SNX8: variants seen among roughly 807,000 people sequenced by gnomAD.
SNX8 encodes the protein sorting nexin 8, also known as sorting nexin-8.
Under a neutral mutation model 51.6 loss-of-function variants are expected in SNX8, and 25 were observed. The observed-to-expected ratio is 0.48, with a 90% confidence interval of 0.35 to 0.68. The LOEUF is 0.68. Among genes scored for constraint, SNX8 ranks in the 30% least tolerant of loss-of-function variants. The probability of loss-of-function intolerance (pLI) is 0.00; values close to 1 mark genes in which losing one functional copy is unlikely to be tolerated. For missense variants in SNX8, 695 were observed against 624.0 expected (o/e 1.11, Z -1.21); for synonymous variants, 324 against 277.0 (o/e 1.17, Z -1.68).
intron 1 of SNX8, among the ~76,000 whole-genome samples, chr7:2,326,255 C>T (rs1320322380): frequency 6.6e-6 from 1 of 152,066 alleles, no homozygotes; most frequent in African/African-American, 2.4e-5. Context: ...ATCCTAGTTA[C>T]TTGGGAGGCT....
At chr7:2,323,719 G>A (rs747082547) in intron 1 of SNX8, among the ~76,000 whole-genome samples, 29 of 152,208 alleles carry the variant, frequency 1.9e-4, no homozygotes, top group Admixed American at 6.5e-4. Context: ...GTACTACCAC[G>A]TGCCTGGCAC....
At chr7:2,309,052 G>A (rs143078074) in intron 1 of SNX8, among the ~76,000 whole-genome samples, 1,593 of 151,930 alleles carry the variant, frequency 0.01, 20 homozygotes, top group African/African-American at 0.037. Flanking sequence ...GCCTCCCAAA[G>A]TGCTGGGATT....
intron 1 of SNX8, among the ~76,000 whole-genome samples, chr7:2,312,034 T>A (rs776169136): frequency 4.6e-5 from 7 of 152,086 alleles, no homozygotes; most frequent in African/African-American, 7.2e-5. Context: ...CAAGAGTCTG[T>A]GAGCCCCACT....
At chr7:2,342,165 G>A (rs893255488) in intron 1 of SNX8, among the ~76,000 whole-genome samples, 1 of 150,862 alleles carries the variant, frequency 6.6e-6, no homozygotes, top group African/African-American at 2.4e-5. Flanking sequence ...GGCAATAAGA[G>A]GGAAACGCTG....
chr7:2,341,065 G>A (rs1402904809), intron 1 of SNX8, among the ~76,000 whole-genome samples: 2 of 150,202 alleles, frequency 1.3e-5, no homozygotes, highest in Admixed American at 1.3e-4. Context: ...AGCTACTCAA[G>A]AAACTGAGGT....
intron 1 of SNX8, among the ~76,000 whole-genome samples, chr7:2,302,448 G>A (rs1166806693): frequency 6.6e-6 from 1 of 152,198 alleles, no homozygotes. Context: ...ATCTCGGCTG[G>A]CTACAACCTC....
At chr7:2,292,284 C>G (rs1014590253) in intron 1 of SNX8, among the ~76,000 whole-genome samples, 5 of 151,980 alleles carry the variant, frequency 3.3e-5, no homozygotes, top group African/African-American at 1.2e-4. Flanking sequence ...AAGCCGGACC[C>G]CTCCCTCACA....
intron 1 of SNX8, among the ~76,000 whole-genome samples, chr7:2,309,510 T>A (rs10479969): frequency 6.6e-6 from 1 of 151,698 alleles, no homozygotes; most frequent in Non-Finnish European, 1.5e-5. Flanking sequence ...GGTGGGCAGA[T>A]CACCTGAGGT....
intron 9 of SNX8, 22 bp downstream of exon 9, chr7:2,257,343 G>T (rs375852912): frequency 1.9e-6 from 3 of 1,597,012 alleles, no homozygotes; most frequent in Non-Finnish European, 2.5e-6. Flanking sequence ...CCACGGGCCT[G>T]CTCGGCCGCC....
chr7:2,274,436 T>C (rs1478907647), intron 3 of SNX8, among the ~76,000 whole-genome samples: 1 of 152,168 alleles, frequency 6.6e-6, no homozygotes, highest in Non-Finnish European at 1.5e-5. Flanking sequence ...TATTCAGAAT[T>C]TGAGGAACGG....
chr7:2,254,776 C>T lies in SNX8; in HGVS notation c.*280G>A. On this transcript the variant is annotated 3_prime_UTR_variant, in exon 11 of 11. Transcript: ENST00000222990. ...TCTGTGAGATGAGAGATCCCTGCCT[C>T]CCCGCACAGCTCTGGGTGTCAGGAG... is the stretch of plus-strand genomic sequence containing the variant. The T allele has an allele frequency of 2.0e-6, 1 of 508,416 alleles. No individual in the cohort carries two copies. The highest frequency in any genetic ancestry group is 2.2e-5 in the South Asian group (1 of 45,940). 31.5% of individuals were successfully genotyped at this position (508,416 alleles called of 1,614,324 possible).
intron 1 of SNX8, among the ~76,000 whole-genome samples, chr7:2,302,351 G>C (rs1263988679): frequency 2.0e-5 from 3 of 152,262 alleles, no homozygotes; most frequent in African/African-American, 4.8e-5. Flanking sequence ...TGATCCACCA[G>C]CCTCGGCCTC....
At chr7:2,292,934 A>G (rs966864851) in intron 1 of SNX8, among the ~76,000 whole-genome samples, 2 of 151,948 alleles carry the variant, frequency 1.3e-5, no homozygotes, top group Admixed American at 1.3e-4. Flanking sequence ...AAGGTGGCAG[A>G]ATGACTTGAG....
chr7:2,292,724 C>A (rs1256122938), intron 1 of SNX8, among the ~76,000 whole-genome samples: 1 of 152,034 alleles, frequency 6.6e-6, no homozygotes, highest in East Asian at 1.9e-4. Context: ...GCAAAGACTT[C>A]TTAGATATGA....
chr7:2,284,504 C>T (rs538179748), intron 1 of SNX8, among the ~76,000 whole-genome samples: 2 of 139,478 alleles, frequency 1.4e-5, no homozygotes, highest in South Asian at 4.5e-4. Context: ...CGGGTTTAAG[C>T]GATTCTCCTG....
Position 2,252,681 on chromosome 7 carries a change from T to G in SNX8, c.*2375A>C, listed in dbSNP as rs55919104. ...ACCCCTGCCTTCCTGCCCCCCCACC[T>G]CCCTCCTGCCTTCCCACCCCTGCCC... On this transcript the variant is annotated 3_prime_UTR_variant, in exon 11 of 11. Coordinates refer to ENST00000222990, the MANE Select transcript of SNX8 (RefSeq NM_013321.4). 116,430 of 122,464 alleles carry G rather than the reference T, an allele frequency of 0.95. 55,244 individuals are homozygous for G. The highest frequency in any genetic ancestry group is 0.97 in the African/African-American group (28,975 of 29,980). The allele number at this position is 122,464 out of a possible 1,614,324, so 7.6% of individuals were successfully genotyped here. A position where few individuals can be genotyped will look rare whatever the true frequency, so the allele number is the denominator to read the frequency against.
upstream of SNX8, among the ~76,000 whole-genome samples, chr7:2,316,818 C>T (rs949159891): frequency 1.3e-5 from 2 of 152,256 alleles, no homozygotes; most frequent in African/African-American, 2.4e-5. Flanking sequence ...CTGCATCCTG[C>T]ATCTATCCAC....
At chr7:2,279,390 C>T (rs1795859391) in intron 1 of SNX8, among the ~76,000 whole-genome samples, 3 of 152,100 alleles carry the variant, frequency 2.0e-5, no homozygotes, top group East Asian at 1.9e-4. Context: ...ACTCATGCTA[C>T]GGAGTCAACG....
At chr7:2,264,164 T>C (rs1795405523) in intron 6 of SNX8, 134 bp downstream of exon 6, 3 of 844,598 alleles carry the variant, frequency 3.6e-6, no homozygotes, top group East Asian at 2.8e-5. Flanking sequence ...CCTGAGCCAC[T>C]TTCTGCCCCT....
Sources: gnomAD v4.1 joint callset for allele counts (sites outside exome capture counted in the v4.1 genomes callset) on GRCh38, gnomAD v4.1.1 for gene constraint, MANE v1.5 for transcripts, NCBI Gene and HGNC (gene_info 2026-07-23, HGNC 2026-07-21) for gene names.